The following TNKS1BP1 variants were observed in gnomAD, a reference collection of about 807,000 sequenced individuals.
The protein encoded by TNKS1BP1 is 182 kDa tankyrase-1-binding protein.
Under a neutral mutation model 141.1 loss-of-function variants are expected in TNKS1BP1, and 48 were observed. The ratio of observed to expected loss-of-function variants is 0.34; its 90% confidence interval spans 0.27 to 0.43. The LOEUF (loss-of-function observed/expected upper bound fraction) is 0.43, where lower values mean the gene tolerates loss of function less well. Ranked by LOEUF, TNKS1BP1 falls within the 20% of genes least tolerant of loss-of-function variation. The probability of loss-of-function intolerance (pLI) is 1.00; values close to 1 mark genes in which losing one functional copy is unlikely to be tolerated. For missense variants in TNKS1BP1, 2,149 were observed against 2,226.0 expected (o/e 0.97, Z 0.70); for synonymous variants, 875 against 898.2 (o/e 0.97, Z 0.46).
chr11:57,320,078 C>T lies in TNKS1BP1; in HGVS notation c.728+1G>A. ...AAAATATACAACCTCCCACCCTTCA[C>T]CTCTCCTCAGGGGTCTTGCTGTGCT... On this transcript the variant is annotated splice_donor_variant, in intron 3 of 11. Coordinates refer to ENST00000358252, the MANE Select transcript of TNKS1BP1 (RefSeq NM_033396.3). LOFTEE classifies it high-confidence loss of function. 6.7e-7 allele frequency: 1 copy of T among 1,503,118 alleles called. No homozygotes were observed. Among genetic ancestry groups the T allele is most frequent in the Non-Finnish European group, 9.0e-7 (1 of 1,109,732 alleles). 93.1% of individuals were successfully genotyped at this position (1,503,118 alleles called of 1,614,324 possible). A position where few individuals can be genotyped will look rare whatever the true frequency, so the allele number is the denominator to read the frequency against.
chr11:57,324,272 C>CA (rs1178068223), intron 1 of TNKS1BP1, among the ~76,000 whole-genome samples: 3 of 152,336 alleles, frequency 2.0e-5, no homozygotes, highest in African/African-American at 7.2e-5. Context: ...GAAGATGGAA[C>CA]AGCCCCGGGC....
Position 57,320,071 on chromosome 11 carries a change from C to CCCTTCA in TNKS1BP1, c.728+2_728+7dup. The CCCTTCA allele has an allele frequency of 6.2e-7, 1 of 1,609,748 alleles. No individual in the cohort carries two copies. Among genetic ancestry groups the CCCTTCA allele is most frequent in the Non-Finnish European group, 8.5e-7 (1 of 1,176,998 alleles). On this transcript the variant is annotated splice_region_variant and intron_variant, in intron 3 of 11. Coordinates refer to ENST00000358252, the MANE Select transcript of TNKS1BP1 (RefSeq NM_033396.3). ...CTGCCACAAAATATACAACCTCCCA[C>CCCTTCA]CCTTCACCTCTCCTCAGGGGTCTTG...
intron 6 of TNKS1BP1, among the ~76,000 whole-genome samples, chr11:57,305,318 A>G (rs1336289828): frequency 1.3e-5 from 2 of 152,268 alleles, no homozygotes; most frequent in Non-Finnish European, 2.9e-5. Flanking sequence ...TGTGCCTAAC[A>G]CATAGTTAGC....
chr11:57,305,190 T>C (rs1855590420), intron 6 of TNKS1BP1, among the ~76,000 whole-genome samples: 1 of 152,182 alleles, frequency 6.6e-6, no homozygotes, highest in African/African-American at 2.4e-5. Flanking sequence ...CTAGGCTCTG[T>C]CTCCTCCTAT....
chr11:57,313,091 A>G lies in TNKS1BP1; in HGVS notation c.1597T>C (p.Ser533Pro), dbSNP rs1319366198. The G allele has an allele frequency of 1.2e-6, 2 of 1,613,410 alleles. No individual in the cohort carries two copies. Among genetic ancestry groups the G allele is most frequent in the Non-Finnish European group, 1.7e-6 (2 of 1,179,996 alleles). Residue 533 changes from serine (S) to proline (P), a missense_variant, in exon 5 of 12, where the codon TCA becomes CCA. Ser to Pro is a moderately conservative substitution (Grantham distance 74). Coordinates refer to ENST00000358252, the MANE Select transcript of TNKS1BP1 (RefSeq NM_033396.3). ...GAACTTCCTGACCCACTTGGAGCTGACCCAGCCCCTTGCCCCTGCTGAGAC... is the reference window on the plus strand; with the variant it reads ...GAACTTCCTGACCCACTTGGAGCTGGCCCAGCCCCTTGCCCCTGCTGAGAC... ...GVSQQGQGAG[S>P]APSGSGSSWV...
rs1590584753 is a variant in TNKS1BP1 at position 57,310,245 on chromosome 11, G to C, written c.2466C>G (p.Asp822Glu). 1 of 1,614,124 alleles carries C rather than the reference G, an allele frequency of 6.2e-7. No individual in the cohort carries two copies. The highest frequency in any genetic ancestry group is 2.2e-5 in the East Asian group (1 of 44,878). ...VSAPGVLTAQ[D>E]RVVGKPAQLG... ...GCTGGGCTGGCTTTCCAACTACCCG[G>C]TCCTGGGCTGTGAGCACCCCTGGGG... Residue 822 changes from aspartate (D) to glutamate (E), a missense_variant, in exon 6 of 12, where the codon GAC becomes GAG. Transcript: ENST00000358252.
rs1429221729 is a variant in TNKS1BP1, at chr11:57,324,911, A to G, written c.-137T>C. The G allele has an allele frequency of 7.1e-6, 7 of 984,904 alleles. No homozygotes were observed. The highest frequency in any genetic ancestry group is 8.4e-6 in the Non-Finnish European group (7 of 830,834). The allele number at this position is 984,904 out of a possible 1,614,324, so 61.0% of individuals were successfully genotyped here. The stretch of plus-strand genomic sequence containing the variant: ...AGTCCCCGCCGCCGCCGCCGCTGCT[A>G]CCGCCGCCGCCGCCGCCGTCACCGC... On this transcript the variant is annotated 5_prime_UTR_variant, in exon 1 of 12. Coordinates refer to ENST00000358252, the MANE Select transcript of TNKS1BP1 (RefSeq NM_033396.3).
Position 57,310,551 on chromosome 11 carries a change from G to A in TNKS1BP1, c.2160C>T (p.Leu720=), listed in dbSNP as rs34921598. 4,173 of 1,592,798 alleles carry A rather than the reference G, an allele frequency of 2.6e-3. 109 individuals carry two copies. In the African/African-American group the frequency reaches 0.05, roughly 19 times the overall value. ...GCAGATCTTTCTGGGACCAGCCAAG[G>A]AGTCCCTGGGAATAAGAAAAAAAAA... is the stretch of plus-strand genomic sequence containing the variant. ...TQSPSTCSEG[L]LGWSQKDLQS... The change falls in exon 6 of 12, where the codon CTC becomes CTT. Residue 720 remains leucine (L), a synonymous_variant. Transcript: ENST00000358252.
At position 57,312,669 on chromosome 11, in the gene TNKS1BP1, G is replaced by T. The variant is rs201651908; in HGVS notation, c.2019C>A (p.Pro673=). 2.8e-5 allele frequency: 44 copies of T among 1,584,030 alleles called. No individual in the cohort carries two copies. The Middle Eastern group carries it at 5.1e-4, about 18-fold the overall frequency. The change falls in exon 5 of 12, where the codon CCC becomes CCA. Residue 673 remains proline, a synonymous_variant. Transcript: ENST00000358252. ...TEAQDLCRAS[P]EPPGPESSSR... is the part of the protein sequence containing the mutation. ...AGCTGCTTTCAGGGCCTGGAGGCTC[G>T]GGGGATGCCCTACACAAGTCTTGAG...
chr11:57,317,422 C>T (rs1013293472), intron 4 of TNKS1BP1, among the ~76,000 whole-genome samples: 1 of 152,230 alleles, frequency 6.6e-6, no homozygotes, highest in African/African-American at 2.4e-5. Flanking sequence ...GCTGCCTCAG[C>T]CTAAGTTACT....
chr11:57,317,798 A>G lies in TNKS1BP1; in HGVS notation c.798+20T>C. 6.2e-7 allele frequency: 1 copy of G among 1,610,622 alleles called. No homozygotes were observed. The highest frequency in any genetic ancestry group is 8.5e-7 in the Non-Finnish European group (1 of 1,177,026). Reference sequence around the variant, plus strand: ...GCTCTAAAATACGTGATTCTGATTCATAACTGGAGGATAACTCACATCAGC... The same window carrying G: ...GCTCTAAAATACGTGATTCTGATTCGTAACTGGAGGATAACTCACATCAGC... On this transcript the variant is annotated intron_variant, in intron 4 of 11. Coordinates refer to ENST00000358252, the MANE Select transcript of TNKS1BP1 (RefSeq NM_033396.3).
Position 57,300,483 on chromosome 11 carries a change from C to G in TNKS1BP1, c.*12+45G>C. 1.9e-6 allele frequency: 3 copies of G among 1,593,186 alleles called. No homozygotes were observed. The East Asian group carries it at 6.7e-5, about 36-fold the overall frequency. On this transcript the variant is annotated intron_variant, in intron 11 of 11. Transcript: ENST00000358252. ...CATGAGGCCTCCGAAGCCTCCAGGG[C>G]AGGCCCTCCTCAGACTGGATCCAAG...
At chr11:57,321,748 A>ACCCCCCCCCCCCCCCCCCCCCC in intron 2 of TNKS1BP1, 44 bp downstream of exon 2, 3 of 670,036 alleles carry the variant, frequency 4.5e-6, no homozygotes, top group African/African-American at 2.1e-5. Context: ...TGTCCTTCCC[A>ACCCCCCCCCCCCCCCCCCCCCC]CCCCCCTCCC....
Position 57,308,801 on chromosome 11 carries a change from G to A in TNKS1BP1, c.3910C>T (p.Leu1304Phe). Residue 1304 changes from leucine to phenylalanine, a missense_variant, in exon 6 of 12, where the codon CTT becomes TTT. Coordinates refer to ENST00000358252, the MANE Select transcript of TNKS1BP1 (RefSeq NM_033396.3). ...AVCSPGESKE[L>F]GVGQMDWGNN... The stretch of plus-strand genomic sequence containing the variant: ...CCCCAGTCCATCTGGCCCACCCCAA[G>A]CTCTTTGGACTCTCCAGGACTGCAG... 5 of 1,614,038 alleles carry A rather than the reference G, an allele frequency of 3.1e-6. No individual in the cohort carries two copies. Among genetic ancestry groups the A allele is most frequent in the South Asian group, 1.1e-5 (1 of 91,080 alleles).
Position 57,320,358 on chromosome 11 carries a change from C to G in TNKS1BP1, c.449G>C (p.Arg150Pro), listed in dbSNP as rs532502983. The G allele has an allele frequency of 3.3e-5, 53 of 1,614,140 alleles. 1 individual carries two copies. In the South Asian group the frequency reaches 5.7e-4, roughly 17 times the overall value. The change falls in exon 3 of 12, where the codon CGC becomes CCC. Residue 150 changes from arginine (R) to proline (P), a missense_variant. Arg to Pro is a moderately radical substitution (Grantham distance 103). Coordinates refer to ENST00000358252, the MANE Select transcript of TNKS1BP1 (RefSeq NM_033396.3). ...GGCCGCGAAGCGCTCTGAGGCTGGG[C>G]GGAAAGGGGCAGGGGCCTTCCGTAC... ...GGVRKAPAPF[R>P]PASERFAATT...
In TNKS1BP1 at chr11:57,309,798, G is replaced by C. The variant is rs755371481; in HGVS notation, c.2913C>G (p.Asp971Glu). The change falls in exon 6 of 12, where the codon GAC becomes GAG. Residue 971 changes from aspartate (D) to glutamate (E), a missense_variant. By Grantham distance (45) the Asp-to-Glu change is conservative. Coordinates refer to ENST00000358252, the MANE Select transcript of TNKS1BP1 (RefSeq NM_033396.3). This position sits in a 1 kb window ranked among gnomAD's most constrained non-coding sequence, Gnocchi z 4.3. ...TCGTTCCAAAGCTTCTGTCCTGGGCGTCAAGGGTCCTGGAGCTGCCACCAC... is the reference window on the plus strand; with the variant it reads ...TCGTTCCAAAGCTTCTGTCCTGGGCCTCAAGGGTCCTGGAGCTGCCACCAC... ...YSSGGSSRTLDAQDRSFGTRP... is the reference protein window; with the variant it reads ...YSSGGSSRTLEAQDRSFGTRP... 4 of 1,614,164 alleles carry C rather than the reference G, an allele frequency of 2.5e-6. No individual in the cohort carries two copies. Among genetic ancestry groups the C allele is most frequent in the Middle Eastern group, 1.6e-4 (1 of 6,062 alleles).
chr11:57,315,245 A>G (rs574532992), intron 4 of TNKS1BP1, among the ~76,000 whole-genome samples: 7 of 151,054 alleles, frequency 4.6e-5, no homozygotes, highest in Non-Finnish European at 8.8e-5. Flanking sequence ...CCCACCGCCT[A>G]TCTGACCGGC....
chr11:57,314,003 A>T, intron 4 of TNKS1BP1, 114 bp from the exon 5 acceptor site: 1 of 1,223,722 alleles, frequency 8.2e-7, no homozygotes, highest in Non-Finnish European at 1.1e-6. Flanking sequence ...GGAGGAGGCA[A>T]CTGGAACCCG....
At chr11:57,311,142 G>T in intron 5 of TNKS1BP1, 3 of 784,122 alleles carry the variant, frequency 3.8e-6, no homozygotes, top group Non-Finnish European at 4.6e-6. Flanking sequence ...CCTCACCCTG[G>T]CCCAGGAAAG....
Sources: gnomAD v4.1 joint callset for allele counts (sites outside exome capture counted in the v4.1 genomes callset) on GRCh38, gnomAD v4.1.1 for gene constraint, Gnocchi (gnomAD v3.1) non-coding constraint, MANE v1.5 for transcripts, NCBI Gene and HGNC (gene_info 2026-07-23, HGNC 2026-07-21) for gene names.